STK32B: variants seen among roughly 807,000 people sequenced by gnomAD.
STK32B encodes serine/threonine kinase 32B, also known as serine/threonine-protein kinase 32B.
In STK32B, 43 loss-of-function variants were observed where a neutral mutation model predicts 52.6. That is an observed-to-expected ratio of 0.82 (90% CI 0.64 to 1.05). The LOEUF is 1.05. STK32B is among the 50% of genes least tolerant of loss of function. STK32B has a pLI of 0.00. For missense variants in STK32B, 621 were observed against 534.6 expected (o/e 1.16, Z -1.59); for synonymous variants, 238 against 204.3 (o/e 1.17, Z -1.41).
rs1439243156 is a variant in STK32B, at chr4:5,378,454, T to C, written c.435-19753T>C. Among the ~76,000 whole-genome samples, 1 of 152,230 alleles carries C rather than the reference T, an allele frequency of 6.6e-6. No individual in the cohort carries two copies. Among genetic ancestry groups the C allele is most frequent in the Non-Finnish European group, 1.5e-5 (1 of 68,040 alleles). The stretch of plus-strand genomic sequence containing the variant: ...TTCCTTTATGACGTGAGTTAAATCA[T>C]TTACAATTATCATGATTCCTGATAC... On this transcript the variant is annotated intron_variant, in intron 4 of 11. Transcript: ENST00000282908. This position sits in a 1 kb window ranked among gnomAD's most constrained non-coding sequence, Gnocchi z 4.4.
chr4:5,162,991 C>G (rs1400672752), intron 2 of STK32B, among the ~76,000 whole-genome samples: 2 of 152,204 alleles, frequency 1.3e-5, no homozygotes, highest in East Asian at 3.9e-4. Flanking sequence ...TCTTCCTACA[C>G]TGTACACATG....
chr4:5,350,936 C>T (rs1463801157), intron 4 of STK32B, among the ~76,000 whole-genome samples: 1 of 151,948 alleles, frequency 6.6e-6, no homozygotes, highest in African/African-American at 2.4e-5. Context: ...AACATATATG[C>T]ACCCAATGGT....
intron 11 of STK32B, among the ~76,000 whole-genome samples, chr4:5,498,630 T>C (rs989580833): frequency 6.6e-6 from 1 of 152,174 alleles, no homozygotes; most frequent in Non-Finnish European, 1.5e-5. Flanking sequence ...ATATGGTATA[T>C]ACAAAAATAT....
intron 4 of STK32B, among the ~76,000 whole-genome samples, chr4:5,370,579 GC>G (rs1405053521): frequency 6.6e-6 from 1 of 152,160 alleles, no homozygotes; most frequent in Non-Finnish European, 1.5e-5. Flanking sequence ...GTGACACAGA[GC>G]AAAGTCACTG....
chr4:5,465,073 C>T (rs1717333653), intron 9 of STK32B, among the ~76,000 whole-genome samples: 1 of 152,088 alleles, frequency 6.6e-6, no homozygotes, highest in Admixed American at 6.6e-5. Context: ...ACCGCGAACC[C>T]AAGGAGGGTC....
intron 1 of STK32B, among the ~76,000 whole-genome samples, chr4:5,092,068 G>C (rs2108784386): frequency 6.6e-6 from 1 of 152,304 alleles, no homozygotes; most frequent in East Asian, 1.9e-4. Flanking sequence ...ACTGCTAACA[G>C]GTACAATGCT....
intron 5 of STK32B, 38 bp from the exon 6 acceptor site, chr4:5,416,807 G>T (rs1416773588): frequency 9.4e-6 from 15 of 1,592,548 alleles, no homozygotes; most frequent in Non-Finnish European, 1.3e-5. Context: ...GCTGCCTGCA[G>T]CCCACGCTAA....
At chr4:5,240,739 A>G (rs868070520) in intron 3 of STK32B, among the ~76,000 whole-genome samples, 20 of 152,124 alleles carry the variant, frequency 1.3e-4, no homozygotes, top group Admixed American at 2.0e-4. Context: ...GGATTACAGG[A>G]GTGAGCCACT....
At chr4:5,390,989 G>A (rs1455728063) in intron 4 of STK32B, among the ~76,000 whole-genome samples, 16 of 133,036 alleles carry the variant, frequency 1.2e-4, no homozygotes, top group Non-Finnish European at 1.9e-4. Flanking sequence ...TTTTTGAGAC[G>A]GAATCTCACT....
At chr4:5,324,619 C>A (rs1731752746) in intron 3 of STK32B, among the ~76,000 whole-genome samples, 1 of 152,192 alleles carries the variant, frequency 6.6e-6, no homozygotes, top group Admixed American at 6.5e-5. Context: ...GGCTCCAACT[C>A]ACTAGATGAC....
intron 3 of STK32B, among the ~76,000 whole-genome samples, chr4:5,190,766 C>T (rs954795344): frequency 2.6e-5 from 4 of 152,064 alleles, no homozygotes; most frequent in South Asian, 2.1e-4. Flanking sequence ...GACATCGGGG[C>T]GGCTGTCTGA....
intron 11 of STK32B, among the ~76,000 whole-genome samples, chr4:5,491,494 G>A (rs1247694446): frequency 6.6e-6 from 1 of 152,028 alleles, no homozygotes; most frequent in Non-Finnish European, 1.5e-5. Flanking sequence ...TGTCAGATGA[G>A]TAGGTTGTGA....
chr4:5,202,909 A>G lies in STK32B; in HGVS notation c.260+34459A>G, dbSNP rs542943069. The stretch of plus-strand genomic sequence containing the variant: ...TGGTGGGTGTCAACAGAAATAGCTT[A>G]TTTATTAATATTAACCTCAGCTTAG... On this transcript the variant is annotated intron_variant, in intron 3 of 11. Coordinates refer to ENST00000282908, the MANE Select transcript of STK32B (RefSeq NM_018401.3). 4.6e-5 allele frequency among the ~76,000 whole-genome samples: 7 copies of G among 152,320 alleles called. No homozygotes were observed. The South Asian group carries it at 1.2e-3, about 27-fold the overall frequency.
At chr4:5,234,986 C>T (rs1724526803) in intron 3 of STK32B, among the ~76,000 whole-genome samples, 1 of 152,156 alleles carries the variant, frequency 6.6e-6, no homozygotes, top group Non-Finnish European at 1.5e-5. Context: ...TTCCATAAAC[C>T]AAGCACAGTG....
At chr4:5,408,945 A>G (rs774452500) in intron 5 of STK32B, among the ~76,000 whole-genome samples, 17 of 152,162 alleles carry the variant, frequency 1.1e-4, no homozygotes, top group Non-Finnish European at 1.9e-4. Flanking sequence ...TTAAAGAAAT[A>G]GGAAGACAAT....
intron 1 of STK32B, among the ~76,000 whole-genome samples, chr4:5,136,635 A>G (rs1299957843): frequency 6.6e-6 from 1 of 152,030 alleles, no homozygotes; most frequent in Non-Finnish European, 1.5e-5. Context: ...CCACTCTTCA[A>G]CCCTCTCACA....
intron 3 of STK32B, among the ~76,000 whole-genome samples, chr4:5,261,998 G>A (rs1726741579): frequency 6.6e-6 from 1 of 152,132 alleles, no homozygotes; most frequent in Admixed American, 6.5e-5. Flanking sequence ...TAGCACATAT[G>A]GTAATTTAGC....
At chr4:5,090,958 G>A (rs1476508749) in intron 1 of STK32B, among the ~76,000 whole-genome samples, 3 of 152,128 alleles carry the variant, frequency 2.0e-5, no homozygotes, top group African/African-American at 7.2e-5. Context: ...CTTATAACAA[G>A]TAAAAAGATT....
At chr4:5,402,278 G>A (rs947073506) in intron 5 of STK32B, among the ~76,000 whole-genome samples, 2 of 152,224 alleles carry the variant, frequency 1.3e-5, no homozygotes, top group Non-Finnish European at 2.9e-5. Flanking sequence ...ACAGGAGGGT[G>A]ATGGAAGAGG....
Sources: gnomAD v4.1 joint callset for allele counts (sites outside exome capture counted in the v4.1 genomes callset) on GRCh38, gnomAD v4.1.1 for gene constraint, Gnocchi (gnomAD v3.1) non-coding constraint, MANE v1.5 for transcripts, NCBI Gene and HGNC (gene_info 2026-07-23, HGNC 2026-07-21) for gene names.